Variants in SMARCA2 observed in about 807,000 individuals in gnomAD.
SMARCA2 encodes the protein SWI/SNF related BAF chromatin remodeling complex subunit ATPase 2, also known as SWI/SNF-related matrix-associated actin-dependent regulator of chromatin subfamily A member 2.
Under a neutral mutation model 199.8 loss-of-function variants are expected in SMARCA2, and 61 were observed. The observed-to-expected ratio is 0.31, with a 90% CI of 0.25 to 0.38. The LOEUF (loss-of-function observed/expected upper bound fraction) is 0.38, where lower values mean the gene tolerates loss of function less well. SMARCA2 is among the 10% of genes least tolerant of loss of function. The pLI, the probability that SMARCA2 is intolerant of heterozygous loss-of-function variation, is 1.00. For missense variants in SMARCA2, 1,344 were observed against 2,012.2 expected (o/e 0.67, Z 6.35); for synonymous variants, 935 against 732.0 (o/e 1.28, Z -4.48).
rs568531163 is a variant in SMARCA2, at chr9:2,107,061, A to G, written c.3292+2892A>G. ...TGTCTGCCTTTGGATAGACTGTTAC[A>G]TGGTAGTTTGAATCTCCCTGAACAA... On this transcript the variant is annotated intron_variant, in intron 23 of 33. Coordinates refer to ENST00000349721, the MANE Select transcript of SMARCA2 (RefSeq NM_003070.5). Among the ~76,000 whole-genome samples, 13 of 152,330 alleles carry G rather than the reference A, an allele frequency of 8.5e-5. No homozygotes were observed. The East Asian group carries it at 2.3e-3, about 27-fold the overall frequency.
At chr9:2,117,676 C>T (rs1823271228) in intron 25 of SMARCA2, among the ~76,000 whole-genome samples, 1 of 152,148 alleles carries the variant, frequency 6.6e-6, no homozygotes, top group Non-Finnish European at 1.5e-5. Context: ...TGGAGTTTTC[C>T]AGCCTTCCTA....
Position 2,178,574 on chromosome 9 carries a change from T to C in SMARCA2, c.4254-2997T>C, listed in dbSNP as rs113354352. Among the ~76,000 whole-genome samples the C allele has an allele frequency of 1.4e-3, 212 of 152,190 alleles. 1 individual carries two copies. The highest frequency in any genetic ancestry group is 4.6e-3 in the African/African-American group (193 of 41,530). On this transcript the variant is annotated intron_variant, in intron 29 of 33. Coordinates refer to ENST00000349721, the MANE Select transcript of SMARCA2 (RefSeq NM_003070.5). The stretch of plus-strand genomic sequence containing the variant: ...GTACTTAAAAAGGAAAAAAGCAACT[T>C]TCTGGCCGGGGGCAGGGTGGTGCAT...
chr9:2,054,839 A>T (rs995590599), intron 6 of SMARCA2, 116 bp downstream of exon 6: 28 of 1,018,960 alleles, frequency 2.7e-5, no homozygotes, highest in Non-Finnish European at 3.9e-5. Context: ...TAAAGATATA[A>T]ATATAGTAAA....
At chr9:2,069,515 G>C (rs1007415236) in intron 9 of SMARCA2, among the ~76,000 whole-genome samples, 9 of 150,762 alleles carry the variant, frequency 6.0e-5, no homozygotes, top group South Asian at 2.1e-4. Flanking sequence ...GCCGAGATCG[G>C]GCCACCGCAC....
At chr9:2,143,280 G>A (rs892308144) in intron 27 of SMARCA2, among the ~76,000 whole-genome samples, 1 of 152,180 alleles carries the variant, frequency 6.6e-6, no homozygotes, top group African/African-American at 2.4e-5. Context: ...TTGGGACAGA[G>A]TTTTTAACAG....
At chr9:2,186,686 C>T (rs552468370) in intron 32 of SMARCA2, among the ~76,000 whole-genome samples, 17 of 152,136 alleles carry the variant, frequency 1.1e-4, no homozygotes, top group African/African-American at 3.4e-4. Flanking sequence ...CCACCACGCC[C>T]GGCTAATTTT....
At chr9:2,025,049 A>G (rs1818766207) in intron 1 of SMARCA2, among the ~76,000 whole-genome samples, 1 of 151,550 alleles carries the variant, frequency 6.6e-6, no homozygotes, top group Non-Finnish European at 1.5e-5. Context: ...TCCTTTTAAT[A>G]TGCAGATGGC....
chr9:2,064,395 G>A (rs72687590), intron 9 of SMARCA2, among the ~76,000 whole-genome samples: 17,072 of 152,164 alleles, frequency 0.11, 1,060 homozygotes, highest in East Asian at 0.26. Context: ...AGGATTACAC[G>A]GGAAAGTTTA....
chr9:2,077,683 C>A lies in SMARCA2; in HGVS notation c.2091C>A (p.Gly697=). The A allele has an allele frequency of 1.2e-6, 2 of 1,614,000 alleles. No homozygotes were observed. Among genetic ancestry groups the A allele is most frequent in the Non-Finnish European group, 1.7e-6 (2 of 1,179,890 alleles). Residue 697 remains glycine (G), a synonymous_variant, in exon 14 of 34, where the codon GGC becomes GGA. Transcript: ENST00000349721. ...ACAGCATGCAGTACAGTGCCAGGGG[C>A]TCCCAGTCCTACTACACCGTGGCTC... The part of the protein sequence containing the change: ...DEYSMQYSAR[G]SQSYYTVAHA...
At position 2,063,470 on chromosome 9, in the gene SMARCA2, T is replaced by C. The variant is rs558764628; in HGVS notation, c.1692+2484T>C. Reference sequence around the variant, plus strand: ...AGCATAAAAATCTCTGCTATCCTTTTTAGCACTTTTCCATAGTATTAAGTA... The same window carrying C: ...AGCATAAAAATCTCTGCTATCCTTTCTAGCACTTTTCCATAGTATTAAGTA... On this transcript the variant is annotated intron_variant, in intron 9 of 33. Coordinates refer to ENST00000349721, the MANE Select transcript of SMARCA2 (RefSeq NM_003070.5). Among the ~76,000 whole-genome samples, 17 of 152,344 alleles carry C rather than the reference T, an allele frequency of 1.1e-4. No individual in the cohort carries two copies. The East Asian group carries it at 3.1e-3, about 28-fold the overall frequency.
intron 4 of SMARCA2, chr9:2,044,614 TA>T (rs1207528969): frequency 6.6e-6 from 1 of 152,226 alleles, no homozygotes; most frequent in Non-Finnish European, 1.5e-5. Context: ...ATGAGGTGGC[TA>T]TTGTTACTCT....
chr9:2,191,590 G>C, intron 33 of SMARCA2, 182 bp downstream of exon 33: 2 of 570,178 alleles, frequency 3.5e-6, no homozygotes, highest in Non-Finnish European at 5.9e-6. Context: ...CAAAGGATTG[G>C]GGGCTTTGTT....
Position 2,081,984 on chromosome 9 carries a change from T to C in SMARCA2, c.2337T>C (p.Ile779=), listed in dbSNP as rs1305508876. 5 of 1,613,150 alleles carry C rather than the reference T, an allele frequency of 3.1e-6. No homozygotes were observed. Among genetic ancestry groups the C allele is most frequent in the Non-Finnish European group, 4.2e-6 (5 of 1,179,628 alleles). ...GACTCAATGGCCCCTATCTCATCAT[T>C]GTTCCCCTTTCGTAAGTAAAGTCAT... is the stretch of plus-strand genomic sequence containing the variant. The part of the protein sequence containing the change: ...HKRLNGPYLI[I]VPLSTLSNWT... The change falls in exon 15 of 34, where the codon ATT becomes ATC. Residue 779 remains isoleucine, a synonymous_variant. Coordinates refer to ENST00000349721, the MANE Select transcript of SMARCA2 (RefSeq NM_003070.5).
Position 2,110,535 on chromosome 9 carries a change from T to G in SMARCA2, c.3456+118T>G. 1.4e-6 allele frequency: 1 copy of G among 737,168 alleles called. No homozygotes were observed. Among genetic ancestry groups the G allele is most frequent in the South Asian group, 2.9e-5 (1 of 34,924 alleles). The allele number at this position is 737,168 out of a possible 1,614,324, so 45.7% of individuals were successfully genotyped here. A position where few individuals can be genotyped will look rare whatever the true frequency, so the allele number is the denominator to read the frequency against. ...ATATCTAAACGAGTGGGCTGTTGCTTTCTTGGAGCCAATTCTTCTGGCTGT... is the reference window on the plus strand; with the variant it reads ...ATATCTAAACGAGTGGGCTGTTGCTGTCTTGGAGCCAATTCTTCTGGCTGT... On this transcript the variant is annotated intron_variant, in intron 24 of 33. Transcript: ENST00000349721. This position sits in a 1 kb window ranked among gnomAD's most constrained non-coding sequence, Gnocchi z 4.8.
intron 9 of SMARCA2, among the ~76,000 whole-genome samples, chr9:2,065,169 A>G (rs935655556): frequency 1.3e-5 from 2 of 152,138 alleles, no homozygotes; most frequent in African/African-American, 4.8e-5. Context: ...TGGGCGACAG[A>G]GCGAGACTCT....
chr9:2,076,315 T>A lies in SMARCA2; in HGVS notation c.2022T>A (p.Ala674=). The part of the protein sequence containing the change: ...PNSEEVSEKD[A]KQIIETAKQD... ...GCGAAGAAGTTTCTGAGAAGGATGC[T>A]AAGCAGATCATTGAGTATGTACTGC... Residue 674 remains alanine (A), a synonymous_variant, in exon 13 of 34, where the codon GCT becomes GCA. Transcript: ENST00000349721. 1 of 1,596,866 alleles carries A rather than the reference T, an allele frequency of 6.3e-7. No individual in the cohort carries two copies.
intron 27 of SMARCA2, chr9:2,160,074 TTTA>T (rs1476483587): frequency 1.2e-5 from 10 of 830,204 alleles, no homozygotes; most frequent in Non-Finnish European, 1.8e-5. Flanking sequence ...GCATGCTGTA[TTTA>T]TTATTAGCAT....
In SMARCA2 at chr9:2,157,881, G is replaced by C. The variant is rs1192603241; in HGVS notation, c.3982-3805G>C. ...TCTGGACCTGCCGTCACGCAGTAAA[G>C]ATGTGGTTGGTGTGTGTCAGGATGA... On this transcript the variant is annotated intron_variant, in intron 27 of 33. Transcript: ENST00000349721. 4.8e-5 allele frequency: 19 copies of C among 398,496 alleles called. No individual in the cohort carries two copies. The East Asian group carries it at 6.1e-4, about 13-fold the overall frequency. The allele number at this position is 398,496 out of a possible 1,614,324, so 24.7% of individuals were successfully genotyped here. A position where few individuals can be genotyped will look rare whatever the true frequency, so the allele number is the denominator to read the frequency against.
chr9:2,029,062 G>A lies in SMARCA2; in HGVS notation c.40G>A (p.Gly14Arg). ...PTDPGAMPHP[G>R]PSPGPGPSPG... ...AGACCCTGGTGCGATGCCCCACCCA[G>A]GGCCTTCGCCGGGGCCTGGGCCTTC... is the stretch of plus-strand genomic sequence containing the variant. Residue 14 changes from glycine (G) to arginine (R), a missense_variant, in exon 2 of 34, where the codon GGG becomes AGG. By Grantham distance (125) the Gly-to-Arg change is moderately radical (BLOSUM62 -2). Transcript: ENST00000349721. The A allele has an allele frequency of 1.3e-6, 2 of 1,559,332 alleles. No homozygotes were observed. The highest frequency in any genetic ancestry group is 1.7e-6 in the Non-Finnish European group (2 of 1,150,856).
Sources: gnomAD v4.1 joint callset for allele counts (sites outside exome capture counted in the v4.1 genomes callset) on GRCh38, gnomAD v4.1.1 for gene constraint, Gnocchi (gnomAD v3.1) non-coding constraint, MANE v1.5 for transcripts, NCBI Gene and HGNC (gene_info 2026-07-23, HGNC 2026-07-21) for gene names.